Variants in SCAMP2 observed in about 807,000 individuals in gnomAD.
SCAMP2 encodes the protein secretory carrier-associated membrane protein 2.
In SCAMP2, 25 loss-of-function variants were observed where a neutral mutation model predicts 44.1. The observed-to-expected ratio is 0.57, with a 90% CI of 0.41 to 0.79. The LOEUF is 0.79. Among genes scored for constraint, SCAMP2 ranks in the 30% least tolerant of loss-of-function variants. SCAMP2 has a pLI of 0.00. For synonymous variants in SCAMP2, 156 were observed against 166.0 expected (o/e 0.94, Z 0.46); for missense variants, 355 against 411.0 (o/e 0.86, Z 1.18).
intron 1 of SCAMP2, among the ~76,000 whole-genome samples, chr15:74,862,853 T>TACACACACACACACAC (rs112611741): frequency 2.3e-5 from 2 of 87,482 alleles, no homozygotes; most frequent in Non-Finnish European, 4.7e-5. Context: ...AAACAAACCA[T>TACACACACACACACAC]ACACACACAC....
At chr15:74,857,255 A>G (rs1183682921) in intron 1 of SCAMP2, among the ~76,000 whole-genome samples, 4 of 152,132 alleles carry the variant, frequency 2.6e-5, no homozygotes, top group Non-Finnish European at 5.9e-5. Context: ...CTTCCTGCTG[A>G]ACACCACCTC....
chr15:74,862,294 T>TAAAAAAAAAAA (rs1567254012), intron 1 of SCAMP2, among the ~76,000 whole-genome samples: 2 of 90,506 alleles, frequency 2.2e-5, no homozygotes, highest in Non-Finnish European at 4.8e-5. Flanking sequence ...AAAAAATTCC[T>TAAAAAAAAAAA]GGCCAGGTGC....
chr15:74,861,589 T>C (rs989571482), intron 1 of SCAMP2, among the ~76,000 whole-genome samples: 2 of 152,160 alleles, frequency 1.3e-5, no homozygotes, highest in African/African-American at 4.8e-5. Context: ...GCTATGAAGA[T>C]GGTGCAGCAA....
chr15:74,863,512 A>AT (rs1007981600), intron 1 of SCAMP2, among the ~76,000 whole-genome samples: 1 of 137,890 alleles, frequency 7.3e-6, no homozygotes, highest in African/African-American at 2.7e-5. Context: ...CCCCATCTCC[A>AT]AAAAAAAAAA....
Position 74,852,026 on chromosome 15 carries a change from T to C in SCAMP2, c.343+43A>G. The C allele has an allele frequency of 3.5e-6, 5 of 1,411,394 alleles. No individual in the cohort carries two copies. In the South Asian group the frequency reaches 4.1e-5, roughly 11 times the overall value. The allele number at this position is 1,411,394 out of a possible 1,614,324, so 87.4% of individuals were successfully genotyped here. On this transcript the variant is annotated intron_variant, in intron 4 of 8. Transcript: ENST00000268099. ...CCGCACAGGTTTCAGGACACTCTTCTATGCCAGGCAGGGCAGCCCCAGGCC... is the reference window on the plus strand; with the variant it reads ...CCGCACAGGTTTCAGGACACTCTTCCATGCCAGGCAGGGCAGCCCCAGGCC...
intron 6 of SCAMP2, among the ~76,000 whole-genome samples, 165 bp downstream of exon 6, chr15:74,850,349 A>G (rs564317897): frequency 5.9e-5 from 9 of 152,212 alleles, no homozygotes; most frequent in East Asian, 3.9e-4. Flanking sequence ...GGGGCCCCCA[A>G]TCTCTGCTCT....
At chr15:74,859,960 C>T (rs925213872) in intron 1 of SCAMP2, among the ~76,000 whole-genome samples, 1 of 152,006 alleles carries the variant, frequency 6.6e-6, no homozygotes, top group Admixed American at 6.6e-5. Context: ...TCTTATCTCA[C>T]GGACTAAAAA....
chr15:74,851,919 G>A (rs1177387722), intron 4 of SCAMP2, 150 bp downstream of exon 4: 1 of 538,690 alleles, frequency 1.9e-6, no homozygotes, highest in East Asian at 3.0e-5. Context: ...GCAACTTACT[G>A]CTCTTCCCAG....
intron 5 of SCAMP2, among the ~76,000 whole-genome samples, chr15:74,851,120 C>T (rs1198398436): frequency 6.6e-6 from 1 of 152,160 alleles, no homozygotes; most frequent in East Asian, 1.9e-4. Context: ...ACTTGGAAGC[C>T]TCTAGTTAGT....
At chr15:74,869,638 T>C (rs1187118957) in intron 1 of SCAMP2, among the ~76,000 whole-genome samples, 3 of 152,204 alleles carry the variant, frequency 2.0e-5, no homozygotes. Flanking sequence ...CCATCCTCAT[T>C]GAGGTCTTGG....
intron 1 of SCAMP2, among the ~76,000 whole-genome samples, chr15:74,861,771 G>A (rs1318976996): frequency 6.6e-6 from 1 of 150,474 alleles, no homozygotes; most frequent in Non-Finnish European, 1.5e-5. Flanking sequence ...CGTGGTGGCG[G>A]GCGCCTGTAG....
intron 6 of SCAMP2, 68 bp from the exon 7 acceptor site, chr15:74,848,769 G>GTGAC: frequency 8.7e-7 from 1 of 1,146,148 alleles, no homozygotes; most frequent in Non-Finnish European, 1.3e-6. Context: ...CTTACTTGGT[G>GTGAC]TGACATCCCT....
At chr15:74,870,467 C>T (rs1290442826) in intron 1 of SCAMP2, among the ~76,000 whole-genome samples, 1 of 152,078 alleles carries the variant, frequency 6.6e-6, no homozygotes, top group Non-Finnish European at 1.5e-5. Context: ...ATACAACATA[C>T]ACCATAAGGC....
At chr15:74,872,111 G>C (rs2064579872) in intron 1 of SCAMP2, among the ~76,000 whole-genome samples, 1 of 150,902 alleles carries the variant, frequency 6.6e-6, no homozygotes, top group Admixed American at 6.6e-5. Flanking sequence ...TTTCTTCCTT[G>C]ATTGCTGTTC....
At chr15:74,858,766 C>T (rs1196966647) in intron 1 of SCAMP2, among the ~76,000 whole-genome samples, 2 of 144,460 alleles carry the variant, frequency 1.4e-5, no homozygotes, top group Non-Finnish European at 3.0e-5. Flanking sequence ...AGGGCTTCTG[C>T]TTGTTTCCTT....
intron 1 of SCAMP2, among the ~76,000 whole-genome samples, chr15:74,858,170 A>G (rs1409038167): frequency 1.3e-5 from 2 of 152,150 alleles, no homozygotes; most frequent in Non-Finnish European, 2.9e-5. Flanking sequence ...AAGGAAGCTG[A>G]CATTTACTTA....
At chr15:74,850,799 C>T (rs576411528) in intron 5 of SCAMP2, 126 bp from the exon 6 acceptor site, 27 of 894,926 alleles carry the variant, frequency 3.0e-5, no homozygotes, top group South Asian at 2.5e-4. Context: ...CAGAGGAGCC[C>T]GCTCTGTACC....
intron 1 of SCAMP2, among the ~76,000 whole-genome samples, chr15:74,861,824 C>T (rs2064505571): frequency 6.7e-6 from 1 of 148,704 alleles, no homozygotes; most frequent in South Asian, 2.1e-4. Flanking sequence ...TGGTGTGAAC[C>T]CAGGAGGTGG....
intron 1 of SCAMP2, among the ~76,000 whole-genome samples, chr15:74,856,681 A>T (rs553355581): frequency 2.4e-4 from 36 of 148,328 alleles, no homozygotes; most frequent in African/African-American, 8.7e-4. Flanking sequence ...GTAGCCTCAA[A>T]CTCCTGGGCT....
Sources: gnomAD v4.1 joint callset for allele counts (sites outside exome capture counted in the v4.1 genomes callset) on GRCh38, gnomAD v4.1.1 for gene constraint, MANE v1.5 for transcripts, NCBI Gene and HGNC (gene_info 2026-07-23, HGNC 2026-07-21) for gene names.